TTC12: variants seen among roughly 807,000 people sequenced by gnomAD.
The protein encoded by TTC12 is tetratricopeptide repeat protein 12.
In TTC12, 70 loss-of-function variants were observed where a neutral mutation model predicts 90.1. The observed-to-expected ratio is 0.78, with a 90% CI of 0.64 to 0.95. TTC12 has a LOEUF of 0.95. Among genes scored for constraint, TTC12 ranks in the 40% least tolerant of loss-of-function variants. TTC12 has a pLI of 0.00. For missense variants in TTC12, 819 were observed against 846.1 expected (o/e 0.97, Z 0.40); for synonymous variants, 296 against 311.5 (o/e 0.95, Z 0.53).
chr11:113,346,283 C>T (rs189181040), intron 13 of TTC12, among the ~76,000 whole-genome samples: 7 of 152,086 alleles, frequency 4.6e-5, no homozygotes, highest in African/African-American at 1.4e-4. Flanking sequence ...GGACAGGCCC[C>T]GGCATCTCAT....
chr11:113,352,571 G>C (rs1221574344), intron 16 of TTC12, among the ~76,000 whole-genome samples: 4 of 152,058 alleles, frequency 2.6e-5, no homozygotes, highest in African/African-American at 7.2e-5. Flanking sequence ...ATTAAGCCTA[G>C]TACCTATTAT....
intron 14 of TTC12, among the ~76,000 whole-genome samples, chr11:113,350,751 G>T (rs1555149891): frequency 6.6e-6 from 1 of 152,198 alleles, no homozygotes; most frequent in African/African-American, 2.4e-5. Flanking sequence ...AGGACACCTT[G>T]CTTAGAGATG....
At chr11:113,330,037 G>C (rs1591539600) in intron 7 of TTC12, 58 bp downstream of exon 7, 4 of 1,358,906 alleles carry the variant, frequency 2.9e-6, no homozygotes, top group African/African-American at 1.4e-5. Flanking sequence ...ATAGAAGGCA[G>C]CTGCCAGTGT....
intron 2 of TTC12, among the ~76,000 whole-genome samples, chr11:113,317,884 G>A (rs1947045353): frequency 6.6e-6 from 1 of 152,016 alleles, no homozygotes; most frequent in Non-Finnish European, 1.5e-5. Context: ...AGAGCTTTCT[G>A]TGATGATGAA....
At chr11:113,342,159 C>T (rs1464205238) in intron 12 of TTC12, among the ~76,000 whole-genome samples, 1 of 152,204 alleles carries the variant, frequency 6.6e-6, no homozygotes, top group Non-Finnish European at 1.5e-5. Context: ...CCTCTCTCCT[C>T]TCCTCCTGCT....
chr11:113,333,833 T>G (rs1948198821), intron 7 of TTC12, among the ~76,000 whole-genome samples: 1 of 152,212 alleles, frequency 6.6e-6, no homozygotes. Flanking sequence ...TTATTGTTGT[T>G]ATTCTTCTCT....
downstream of TTC12, among the ~76,000 whole-genome samples, chr11:113,371,216 C>G (rs1950376954): frequency 6.6e-6 from 1 of 152,168 alleles, no homozygotes. Flanking sequence ...TACCAAAGCC[C>G]TGGGATGCTC....
chr11:113,318,991 C>T (rs1947123808), intron 2 of TTC12, among the ~76,000 whole-genome samples: 1 of 152,088 alleles, frequency 6.6e-6, no homozygotes, highest in East Asian at 1.9e-4. Context: ...ATCTCTACCC[C>T]TTAAATGTGA....
At chr11:113,347,439 G>A (rs1565608417) in intron 13 of TTC12, among the ~76,000 whole-genome samples, 2 of 152,142 alleles carry the variant, frequency 1.3e-5, no homozygotes, top group Non-Finnish European at 2.9e-5. Flanking sequence ...GGGCACTAAC[G>A]CAGCTAATAG....
intron 20 of TTC12, 156 bp from the exon 21 acceptor site, chr11:113,364,679 G>A (rs889741207): frequency 1.6e-5 from 10 of 639,614 alleles, no homozygotes; most frequent in Non-Finnish European, 2.8e-5. Flanking sequence ...TGCATTCAGT[G>A]AATGTTTGCT....
chr11:113,336,070 C>G (rs1474830882), intron 8 of TTC12, among the ~76,000 whole-genome samples: 1 of 152,144 alleles, frequency 6.6e-6, no homozygotes, highest in Admixed American at 6.5e-5. Context: ...TTTTCCACAT[C>G]CTCTTCAATA....
At position 113,345,907 on chromosome 11, in the gene TTC12, ACCTCGGGTGGTCCTG is replaced by A. The variant is rs139365821; in HGVS notation, c.1154+1471_1154+1485del. 9.9e-3 allele frequency among the ~76,000 whole-genome samples: 1,501 copies of A among 151,716 alleles called. 27 individuals carry two copies. Among genetic ancestry groups the A allele is most frequent in the African/African-American group, 0.035 (1,433 of 41,388 alleles). On this transcript the variant is annotated intron_variant, in intron 13 of 21. Coordinates refer to ENST00000529221, the MANE Select transcript of TTC12 (RefSeq NM_017868.4). ...GTCTCGGAGAGTGGCGTTCATGATC[ACCTCGGGTGGTCCTG>A]CCTACTCTCTCTAAGATAGTCAGAG...
rs554754274 is a variant in TTC12 at position 113,338,360 on chromosome 11, C to T, written c.577-414C>T. Among the ~76,000 whole-genome samples, 18 of 152,238 alleles carry T rather than the reference C, an allele frequency of 1.2e-4. No homozygotes were observed. In the South Asian group the frequency reaches 2.5e-3, roughly 21 times the overall value. On this transcript the variant is annotated intron_variant, in intron 8 of 21. Transcript: ENST00000529221. ...ACTAGGCAGTTCTCTTTTCCTGTTCCCAAGTCTCTGTCAACATTGCCTCTA... is the reference window on the plus strand; with the variant it reads ...ACTAGGCAGTTCTCTTTTCCTGTTCTCAAGTCTCTGTCAACATTGCCTCTA...
chr11:113,337,005 A>C (rs574232115), intron 8 of TTC12, among the ~76,000 whole-genome samples: 2 of 152,356 alleles, frequency 1.3e-5, no homozygotes, highest in Admixed American at 6.5e-5. Flanking sequence ...CATTTATAAG[A>C]TATGTCTTTA....
intron 11 of TTC12, among the ~76,000 whole-genome samples, chr11:113,341,365 C>A (rs1198202301): frequency 2.2e-4 from 33 of 152,156 alleles, no homozygotes; most frequent in Admixed American, 2.2e-3. Flanking sequence ...TTCATTTCTT[C>A]TTTTGGAATT....
intron 7 of TTC12, among the ~76,000 whole-genome samples, chr11:113,330,758 G>T (rs571146637): frequency 6.6e-6 from 1 of 152,144 alleles, no homozygotes; most frequent in Non-Finnish European, 1.5e-5. Flanking sequence ...GAAGCAGAAA[G>T]CATGAAATTT....
At chr11:113,365,865 G>T (rs1950176468) in intron 21 of TTC12, among the ~76,000 whole-genome samples, 1 of 152,188 alleles carries the variant, frequency 6.6e-6, no homozygotes, top group Non-Finnish European at 1.5e-5. Context: ...AGTTCTGTCT[G>T]GTTGTTCAAA....
downstream of TTC12, chr11:113,368,104 T>G: frequency 1.7e-6 from 2 of 1,168,368 alleles, no homozygotes; most frequent in South Asian, 2.9e-5. Context: ...CCTTCTTGGC[T>G]CTTGAAAATG....
chr11:113,351,961 C>A, intron 15 of TTC12, 109 bp from the exon 16 acceptor site: 1 of 1,276,582 alleles, frequency 7.8e-7, no homozygotes, highest in South Asian at 1.6e-5. Flanking sequence ...TGACATGAAG[C>A]TATCTGGTTG....
Sources: allele counts gnomAD v4.1 joint callset (sites outside exome capture counted in the v4.1 genomes callset), GRCh38; gene constraint gnomAD v4.1.1; transcripts MANE v1.5; gene names NCBI Gene and HGNC (gene_info 2026-07-23, HGNC 2026-07-21).